MME: variants seen among roughly 807,000 people sequenced by gnomAD.
MME encodes membrane metalloendopeptidase, also known as neprilysin.
MME carries 98 observed loss-of-function variants against 113.2 expected under a neutral mutation model. The ratio of observed to expected loss-of-function variants is 0.87; its 90% CI spans 0.74 to 1.02. The LOEUF (loss-of-function observed/expected upper bound fraction) is 1.02. MME is among the 50% of genes least tolerant of loss of function. MME has a pLI of 0.00. For missense variants in MME, 836 were observed against 896.0 expected (o/e 0.93, Z 0.86); for synonymous variants, 292 against 300.6 (o/e 0.97, Z 0.30).
intron 22 of MME, among the ~76,000 whole-genome samples, chr3:155,174,863 A>G (rs1712365434): frequency 6.6e-6 from 1 of 152,092 alleles, no homozygotes; most frequent in Non-Finnish European, 1.5e-5. Context: ...ATGCAACCTA[A>G]TTTGTCAAGG....
chr3:155,084,308 AC>A lies in MME; in HGVS notation c.142del (p.Leu48SerfsTer16). On this transcript the variant is annotated frameshift_variant, in exon 2 of 23. Transcript: ENST00000360490. LOFTEE classifies it high-confidence loss of function. Reference protein sequence around the residue: ...LTIIAVTMIALYATYDDGICK... With the variant: ...LTIIAVTMIAXYATYDDGICK... The stretch of plus-strand genomic sequence containing the variant: ...CCATCATAGCTGTGACAATGATCGC[AC>A]TCTATGCAACCTACGATGGTGAGTT... 1 of 1,614,068 alleles carries A rather than the reference AC, an allele frequency of 6.2e-7. No individual in the cohort carries two copies. The highest frequency in any genetic ancestry group is 1.1e-5 in the South Asian group (1 of 91,074).
chr3:155,160,117 A>G (rs1722608080), intron 16 of MME, among the ~76,000 whole-genome samples: 1 of 152,084 alleles, frequency 6.6e-6, no homozygotes, highest in Non-Finnish European at 1.5e-5. Flanking sequence ...CTGAAGTGAT[A>G]CATTTTAATA....
upstream of MME, chr3:155,079,611 G>C (rs1179341122): frequency 6.7e-6 from 1 of 150,120 alleles, no homozygotes; most frequent in Non-Finnish European, 1.5e-5. Context: ...GTCCTGCAGC[G>C]GCGAGGCGGG....
chr3:155,065,106 G>A (rs902628362), intron 1 of MME, among the ~76,000 whole-genome samples: 4 of 152,136 alleles, frequency 2.6e-5, no homozygotes, highest in Non-Finnish European at 5.9e-5. Flanking sequence ...TACATTCTGT[G>A]GTTGCAGGAA....
At chr3:155,065,039 C>T (rs1364459387) in intron 1 of MME, among the ~76,000 whole-genome samples, 1 of 152,180 alleles carries the variant, frequency 6.6e-6, no homozygotes, top group Non-Finnish European at 1.5e-5. Flanking sequence ...CATCCTACTC[C>T]AGTATGACCT....
intron 22 of MME, among the ~76,000 whole-genome samples, chr3:155,176,994 C>G (rs775364506): frequency 6.6e-6 from 1 of 152,092 alleles, no homozygotes; most frequent in African/African-American, 2.4e-5. Context: ...GAGTGCACAC[C>G]AGGCTGAGTA....
intron 8 of MME, among the ~76,000 whole-genome samples, chr3:155,136,278 T>C (rs1247843989): frequency 6.6e-6 from 1 of 152,092 alleles, no homozygotes; most frequent in African/African-American, 2.4e-5. Context: ...TGGCTGTGGG[T>C]TTGTTATGGA....
upstream of MME, among the ~76,000 whole-genome samples, chr3:155,078,669 G>A (rs866822523): frequency 0.01 from 1,523 of 151,406 alleles, 22 homozygotes; most frequent in African/African-American, 0.033. Context: ...ATGTGTGTGT[G>A]TGTGTGTGTG....
chr3:155,133,153 A>C (rs1386416849), intron 8 of MME, among the ~76,000 whole-genome samples: 1 of 149,828 alleles, frequency 6.7e-6, no homozygotes, highest in Non-Finnish European at 1.5e-5. Context: ...TATCATAATA[A>C]AGAAAATTAA....
At chr3:155,062,109 C>T (rs1306095949) in intron 1 of MME, among the ~76,000 whole-genome samples, 1 of 152,072 alleles carries the variant, frequency 6.6e-6, no homozygotes, top group African/African-American at 2.4e-5. Context: ...ATTTCTTATT[C>T]AAAGTTGAAT....
chr3:155,053,470 A>G (rs1461371115), intron 1 of MME, among the ~76,000 whole-genome samples: 2 of 152,192 alleles, frequency 1.3e-5, no homozygotes, highest in Non-Finnish European at 2.9e-5. Flanking sequence ...GAAGCCCCTT[A>G]TAAAACCATC....
chr3:155,027,405 AAT>A (rs1470235531), intron 1 of MME, among the ~76,000 whole-genome samples: 1 of 152,132 alleles, frequency 6.6e-6, no homozygotes, highest in Non-Finnish European at 1.5e-5. Flanking sequence ...TCAAGGTTCC[AAT>A]TTATCTTTCT....
intron 17 of MME, among the ~76,000 whole-genome samples, chr3:155,162,828 C>A (rs1413386954): frequency 1.3e-5 from 2 of 151,732 alleles, no homozygotes; most frequent in African/African-American, 2.4e-5. Context: ...GCCTGGCCAA[C>A]ATGGTGAAAC....
At chr3:155,140,641 C>T (rs1360978381) in intron 10 of MME, among the ~76,000 whole-genome samples, 1 of 152,000 alleles carries the variant, frequency 6.6e-6, no homozygotes, top group Non-Finnish European at 1.5e-5. Context: ...CCCCTGAGCT[C>T]GAGTGATCTG....
chr3:155,105,404 G>T (rs1717603851), intron 3 of MME, among the ~76,000 whole-genome samples: 1 of 152,158 alleles, frequency 6.6e-6, no homozygotes, highest in Admixed American at 6.5e-5. Context: ...AAGGCAGAAT[G>T]ATACTGTGGA....
At chr3:155,083,005 G>C (rs1715291941) in intron 1 of MME, among the ~76,000 whole-genome samples, 2 of 152,210 alleles carry the variant, frequency 1.3e-5, no homozygotes, top group Non-Finnish European at 2.9e-5. Context: ...TAATCTGCTA[G>C]TTTAAGATGT....
At chr3:155,125,615 C>T (rs6804570) in intron 8 of MME, among the ~76,000 whole-genome samples, 59,456 of 151,102 alleles carry the variant, frequency 0.39, 11,995 homozygotes, top group South Asian at 0.56. Context: ...TGCCCGCCAC[C>T]GCGCCCAGCT....
chr3:155,059,511 T>A (rs548103614), intron 1 of MME, among the ~76,000 whole-genome samples: 3 of 152,240 alleles, frequency 2.0e-5, no homozygotes, highest in Admixed American at 2.0e-4. Context: ...TCTCCAGGAT[T>A]CCACAATTAG....
chr3:155,091,850 G>A (rs1219121218), intron 3 of MME, among the ~76,000 whole-genome samples: 1 of 152,170 alleles, frequency 6.6e-6, no homozygotes, highest in Non-Finnish European at 1.5e-5. Flanking sequence ...GGGGCCAGTG[G>A]TGGCTTGTTT....
Sources: gnomAD v4.1 joint callset for allele counts (sites outside exome capture counted in the v4.1 genomes callset) on GRCh38, gnomAD v4.1.1 for gene constraint, MANE v1.5 for transcripts, NCBI Gene and HGNC (gene_info 2026-07-23, HGNC 2026-07-21) for gene names.